ZNF90: variants seen among roughly 807,000 people sequenced by gnomAD.
ZNF90 encodes zinc finger protein HTF9.
A neutral mutation model predicts 12.0 loss-of-function variants in ZNF90; 11 were observed. The observed-to-expected ratio is 0.92, with a 90% CI of 0.58 to 1.52. ZNF90 has a LOEUF of 1.52. Ranked by LOEUF, ZNF90 falls within the 40% of genes most tolerant of loss-of-function variation. The pLI is 0.00. For missense variants in ZNF90, 765 were observed against 711.5 expected (o/e 1.08, Z -0.86); for synonymous variants, 232 against 240.1 (o/e 0.97, Z 0.31).
intron 1 of ZNF90, among the ~76,000 whole-genome samples, chr19:20,091,958 G>C (rs1261846090): frequency 2.0e-5 from 3 of 152,204 alleles, no homozygotes; most frequent in Non-Finnish European, 4.4e-5. Flanking sequence ...TGCCTTTGCT[G>C]GTGAGTGGTG....
chr19:20,104,404 A>T, intron 2 of ZNF90, 39 bp downstream of exon 2: 1 of 1,551,536 alleles, frequency 6.4e-7, no homozygotes, highest in Admixed American at 2.0e-5. Flanking sequence ...AATATACCCT[A>T]AAGGTTGTTT....
At chr19:20,102,735 G>C (rs1555704005) in intron 1 of ZNF90, among the ~76,000 whole-genome samples, 1 of 152,122 alleles carries the variant, frequency 6.6e-6, no homozygotes, top group Admixed American at 6.5e-5. Context: ...TTAAGATGGA[G>C]AATATGTCAT....
At position 20,120,005 on chromosome 19, in the gene ZNF90, A is replaced by C. The variant is rs2089182271; in HGVS notation, c.*645A>C. Reference sequence around the variant, plus strand: ...AACTTTTCTGTACATAAAGATGATTATACTAGTGTGAAACCCTAGAAATAA... The same window carrying C: ...AACTTTTCTGTACATAAAGATGATTCTACTAGTGTGAAACCCTAGAAATAA... On this transcript the variant is annotated 3_prime_UTR_variant, in exon 4 of 4. Transcript: ENST00000418063. Among the ~76,000 whole-genome samples the C allele has an allele frequency of 6.6e-6, 1 of 152,226 alleles. No individual in the cohort carries two copies. The highest frequency in any genetic ancestry group is 2.1e-4 in the South Asian group (1 of 4,830).
intron 3 of ZNF90, among the ~76,000 whole-genome samples, chr19:20,109,327 A>G (rs782537910): frequency 1.3e-5 from 2 of 152,168 alleles, no homozygotes; most frequent in Non-Finnish European, 2.9e-5. Context: ...CCCCAATTTT[A>G]GATATTTTTT....
chr19:20,085,280 G>A (rs2088850295), intron 1 of ZNF90, among the ~76,000 whole-genome samples: 1 of 51,430 alleles, frequency 1.9e-5, no homozygotes, highest in South Asian at 5.4e-4. Context: ...TTTTTTTTTA[G>A]ACGGAGTCTC....
rs781980053 is a variant in ZNF90 at position 20,118,630 on chromosome 19, A to T, written c.1076A>T (p.His359Leu). ...AGGCGCTCCTTAGTCCTTCGTACAC[A>T]TAAGAGAATTCATACTGGAGAGAAA... ...AFRRSLVLRTHKRIHTGEKPY... is the reference protein window; with the variant it reads ...AFRRSLVLRTLKRIHTGEKPY... The change falls in exon 4 of 4, where the codon CAT becomes CTT. Residue 359 changes from histidine to leucine, a missense_variant. His to Leu is a moderately conservative substitution (Grantham distance 99, BLOSUM62 -3). Coordinates refer to ENST00000418063, the MANE Select transcript of ZNF90 (RefSeq NM_007138.2). 6.2e-7 allele frequency: 1 copy of T among 1,612,192 alleles called. No individual in the cohort carries two copies. The highest frequency in any genetic ancestry group is 1.3e-5 in the African/African-American group (1 of 74,846).
chr19:20,109,255 T>G (rs915958986), intron 3 of ZNF90, among the ~76,000 whole-genome samples: 1 of 152,204 alleles, frequency 6.6e-6, no homozygotes, highest in Non-Finnish European at 1.5e-5. Context: ...GTTTAAGAGA[T>G]AAATTGTGCA....
chr19:20,113,722 G>A lies in ZNF90; in HGVS notation c.227-4059G>A, dbSNP rs371610643. Among the ~76,000 whole-genome samples the A allele has an allele frequency of 9.2e-5, 14 of 152,022 alleles. No homozygotes were observed. In the East Asian group the frequency reaches 2.2e-3, roughly 23 times the overall value. ...GGGCGCTTATAGTCCCAGCTACTAG[G>A]GAGGCTGAGGCAGGAGAATGGAGTG... On this transcript the variant is annotated intron_variant, in intron 3 of 3. Coordinates refer to ENST00000418063, the MANE Select transcript of ZNF90 (RefSeq NM_007138.2).
rs2089184079 is a variant in ZNF90 at position 20,120,252 on chromosome 19, TGG to T, written c.*893_*894del. On this transcript the variant is annotated 3_prime_UTR_variant, in exon 4 of 4. Transcript: ENST00000418063. ...TACTCACATCTTACCCAACAGAAGG[TGG>T]TTCACAGTTAATGAAAGCATTTAAA... Among the ~76,000 whole-genome samples, 1 of 152,176 alleles carries T rather than the reference TGG, an allele frequency of 6.6e-6. No homozygotes were observed. Among genetic ancestry groups the T allele is most frequent in the African/African-American group, 2.4e-5 (1 of 41,438 alleles).
chr19:20,081,791 G>A (rs1368923839), intron 1 of ZNF90, among the ~76,000 whole-genome samples: 2 of 146,804 alleles, frequency 1.4e-5, no homozygotes, highest in Non-Finnish European at 3.0e-5. Flanking sequence ...TTGAGATGGC[G>A]TCTCGCTCTG....
intron 1 of ZNF90, chr19:20,087,582 A>ACACTGGAG (rs1246679763): frequency 1.3e-5 from 2 of 152,386 alleles, no homozygotes; most frequent in African/African-American, 4.8e-5. Context: ...CTCTGATGTG[A>ACACTGGAG]CACTGGAGTG....
chr19:20,082,743 C>G (rs762624816), intron 1 of ZNF90, among the ~76,000 whole-genome samples: 5 of 152,172 alleles, frequency 3.3e-5, no homozygotes, highest in Non-Finnish European at 7.3e-5. Flanking sequence ...GACCATCCCC[C>G]AGCCCGACAC....
intron 1 of ZNF90, among the ~76,000 whole-genome samples, chr19:20,094,193 G>A (rs1450473778): frequency 1.3e-5 from 2 of 152,220 alleles, no homozygotes; most frequent in East Asian, 1.9e-4. Context: ...CACAGTAGGG[G>A]CAAGTAACTG....
At chr19:20,101,076 C>G (rs573547300) in intron 1 of ZNF90, among the ~76,000 whole-genome samples, 1 of 152,092 alleles carries the variant, frequency 6.6e-6, no homozygotes, top group Non-Finnish European at 1.5e-5. Context: ...TTTCACTTGC[C>G]GTCGACCACT....
chr19:20,113,817 G>A (rs2089113084), intron 3 of ZNF90, among the ~76,000 whole-genome samples: 1 of 152,020 alleles, frequency 6.6e-6, no homozygotes, highest in Non-Finnish European at 1.5e-5. Flanking sequence ...GACAGAGTGA[G>A]ACCTGGTCTC....
chr19:20,110,063 T>G (rs899113971), intron 3 of ZNF90, among the ~76,000 whole-genome samples: 1 of 152,102 alleles, frequency 6.6e-6, no homozygotes, highest in African/African-American at 2.4e-5. Flanking sequence ...GTTACTGTAT[T>G]AATTCAAGTG....
chr19:20,108,984 A>G (rs1310333049), intron 3 of ZNF90, among the ~76,000 whole-genome samples: 1 of 151,594 alleles, frequency 6.6e-6, no homozygotes, highest in Admixed American at 6.6e-5. Context: ...CAGCCTCCCA[A>G]AGTGCTGGGA....
At chr19:20,101,943 A>T (rs1364315320) in intron 1 of ZNF90, among the ~76,000 whole-genome samples, 4 of 152,126 alleles carry the variant, frequency 2.6e-5, no homozygotes, top group African/African-American at 9.7e-5. Context: ...AGGGTCTCTG[A>T]AAAATATTTC....
intron 3 of ZNF90, among the ~76,000 whole-genome samples, chr19:20,112,194 TAAA>T (rs1555705213): frequency 6.6e-6 from 1 of 151,248 alleles, no homozygotes; most frequent in East Asian, 1.9e-4. Flanking sequence ...TTATATTCTA[TAAA>T]AAAGAACTTT....
Sources: gnomAD v4.1 joint callset for allele counts (sites outside exome capture counted in the v4.1 genomes callset) on GRCh38, gnomAD v4.1.1 for gene constraint, MANE v1.5 for transcripts, NCBI Gene and HGNC (gene_info 2026-07-23, HGNC 2026-07-21) for gene names.